TRIM37: variants seen among roughly 807,000 people sequenced by gnomAD.
TRIM37 encodes E3 ubiquitin-protein ligase TRIM37.
In TRIM37, 80 loss-of-function variants were observed where a neutral mutation model predicts 129.8. The ratio of observed to expected loss-of-function variants is 0.62; its 90% CI spans 0.51 to 0.74. The LOEUF (loss-of-function observed/expected upper bound fraction) is 0.74. TRIM37 is among the 30% of genes least tolerant of loss of function. The probability of loss-of-function intolerance (pLI) is 0.00; values close to 1 mark genes in which losing one functional copy is unlikely to be tolerated. For synonymous variants in TRIM37, 389 were observed against 387.1 expected, an observed-to-expected ratio of 1.00 and a Z score of -0.06; for missense variants, 1,054 against 1,176.5, an observed-to-expected ratio of 0.90 and a Z score of 1.52.
chr17:59,081,752 C>T (rs1599423275), intron 5 of TRIM37, among the ~76,000 whole-genome samples: 1 of 151,282 alleles, frequency 6.6e-6, no homozygotes, highest in Admixed American at 6.6e-5. Context: ...TACTAAAATA[C>T]AAAATGTAGC....
At chr17:59,042,688 G>A (rs939550795) in intron 16 of TRIM37, among the ~76,000 whole-genome samples, 7 of 149,782 alleles carry the variant, frequency 4.7e-5, no homozygotes, top group African/African-American at 1.5e-4. Context: ...GGTTGAACCC[G>A]GGAGGTGGAG....
chr17:58,977,773 C>T (rs1487293420), downstream of TRIM37, among the ~76,000 whole-genome samples: 1 of 152,062 alleles, frequency 6.6e-6, no homozygotes, highest in Non-Finnish European at 1.5e-5. Context: ...GACAGAGTCT[C>T]CCTCTGTCAT....
chr17:59,068,118 A>C (rs943275756), intron 9 of TRIM37, among the ~76,000 whole-genome samples: 4 of 152,242 alleles, frequency 2.6e-5, no homozygotes, highest in Non-Finnish European at 5.9e-5. Context: ...TAAGAATTAA[A>C]TTAAAAGCCA....
At chr17:59,090,876 T>G (rs1018890235) in intron 3 of TRIM37, among the ~76,000 whole-genome samples, 1 of 152,318 alleles carries the variant, frequency 6.6e-6, no homozygotes, top group Middle Eastern at 3.4e-3. Flanking sequence ...TCCAGCCGCC[T>G]TGGCCTCCCA....
intron 10 of TRIM37, chr17:59,064,046 G>A: frequency 9.0e-6 from 2 of 222,834 alleles, no homozygotes; most frequent in South Asian, 1.9e-4. Context: ...GAGGATTGCT[G>A]CAGCCCAGGA....
intron 9 of TRIM37, among the ~76,000 whole-genome samples, chr17:59,065,749 T>C (rs1192414186): frequency 6.6e-6 from 1 of 152,236 alleles, no homozygotes; most frequent in Non-Finnish European, 1.5e-5. Flanking sequence ...CATCATAATT[T>C]TGGTTATTAT....
Position 58,999,177 on chromosome 17 carries a change from C to G in TRIM37, c.*200G>C. On this transcript the variant is annotated 3_prime_UTR_variant, in exon 24 of 24. Transcript: ENST00000262294. ...TCCTTACATTACAAAGAACTCTTCC[C>G]ATACTGTTTTTCCCATGTACTACTG... is the stretch of plus-strand genomic sequence containing the variant. 7.0e-7 allele frequency: 1 copy of G among 1,423,078 alleles called. No individual in the cohort carries two copies. The highest frequency in any genetic ancestry group is 9.2e-7 in the Non-Finnish European group (1 of 1,092,176). The allele number at this position is 1,423,078 out of a possible 1,614,324, so 88.2% of individuals were successfully genotyped here.
chr17:59,007,449 A>G (rs2144747705), intron 22 of TRIM37, among the ~76,000 whole-genome samples: 1 of 152,260 alleles, frequency 6.6e-6, no homozygotes, highest in South Asian at 2.1e-4. Flanking sequence ...CAGGCTTTGT[A>G]TTCCTCTTAA....
chr17:59,082,856 TG>T lies in TRIM37; in HGVS notation c.369+1145del, dbSNP rs1293106064. On this transcript the variant is annotated intron_variant, in intron 5 of 23. Coordinates refer to ENST00000262294, the MANE Select transcript of TRIM37 (RefSeq NM_015294.6). ...TTTCTACTGTCTCTTACAAAACCTATGTATTTAAAGTATTAAATGTGAGAAC... is the reference window on the plus strand; with the variant it reads ...TTTCTACTGTCTCTTACAAAACCTATTATTTAAAGTATTAAATGTGAGAAC... 2.6e-5 allele frequency among the ~76,000 whole-genome samples: 4 copies of T among 152,328 alleles called. No homozygotes were observed. In the East Asian group the frequency reaches 7.7e-4, roughly 29 times the overall value.
Position 59,091,510 on chromosome 17 carries a change from CAT to C in TRIM37, c.124-172_124-171del, listed in dbSNP as rs1173461238. 1.9e-3 allele frequency among the ~76,000 whole-genome samples: 136 copies of C among 71,792 alleles called. 1 individual carries two copies. Among genetic ancestry groups the C allele is most frequent in the South Asian group, 5.6e-3 (11 of 1,954 alleles). 47.1% of individuals were successfully genotyped at this position (71,792 alleles called of 152,430 possible). On this transcript the variant is annotated intron_variant, in intron 2 of 23. Transcript: ENST00000262294. ...TATAATATATTATTATATAACATATCATATATATATAATGTATAATGTATAAT... is the reference window on the plus strand; with the variant it reads ...TATAATATATTATTATATAACATATCATATATATAATGTATAATGTATAAT...
intron 21 of TRIM37, among the ~76,000 whole-genome samples, chr17:59,013,762 A>G (rs1449045550): frequency 1.3e-5 from 2 of 152,130 alleles, no homozygotes; most frequent in Admixed American, 1.3e-4. Context: ...TCCTGGGCTC[A>G]GGCCATCTTC....
chr17:59,100,476 A>G (rs2045356279), intron 2 of TRIM37, among the ~76,000 whole-genome samples: 1 of 152,230 alleles, frequency 6.6e-6, no homozygotes, highest in Admixed American at 6.5e-5. Context: ...CCAGATCCGT[A>G]AGAGTACATA....
intron 4 of TRIM37, 127 bp downstream of exon 4, chr17:59,088,164 G>C: frequency 1.5e-6 from 1 of 682,214 alleles, no homozygotes; most frequent in Non-Finnish European, 2.6e-6. Context: ...ATGACTGAAA[G>C]AATTAAAAAC....
Position 58,999,007 on chromosome 17 carries a change from A to G in TRIM37, c.*370T>C. On this transcript the variant is annotated 3_prime_UTR_variant, in exon 24 of 24. Coordinates refer to ENST00000262294, the MANE Select transcript of TRIM37 (RefSeq NM_015294.6). The stretch of plus-strand genomic sequence containing the variant: ...ACTAAGCTCTAGCCAAAGACAGTAG[A>G]GCACCAATGCCGGGCGGGTTACTGA... 1 of 1,119,804 alleles carries G rather than the reference A, an allele frequency of 8.9e-7. No homozygotes were observed. Among genetic ancestry groups the G allele is most frequent in the South Asian group, 2.2e-5 (1 of 45,400 alleles). 69.4% of individuals were successfully genotyped at this position (1,119,804 alleles called of 1,614,324 possible).
intron 14 of TRIM37, among the ~76,000 whole-genome samples, chr17:59,049,811 C>G (rs1217231992): frequency 6.6e-6 from 1 of 152,090 alleles, no homozygotes; most frequent in Admixed American, 6.6e-5. Context: ...TTTCTTAAAC[C>G]ATTTCTCTGA....
rs2040987609 is a variant in TRIM37, at chr17:59,056,907, G to C, written c.1167C>G (p.Tyr389Ter). The change falls in exon 13 of 24, where the codon TAC becomes TAG. Residue 389 changes from tyrosine to a stop codon, truncating the protein, a stop_gained. Transcript: ENST00000262294. LOFTEE classifies it high-confidence loss of function. ...TCACTGTATCATTTTGTGGATTCAA[G>C]TATCCTTCATTTGCGAGTAAGTCCA... is the stretch of plus-strand genomic sequence containing the variant. ...FRLDLLANEG[Y>*]LNPQNDTVIL... 5 of 1,613,488 alleles carry C rather than the reference G, an allele frequency of 3.1e-6. No homozygotes were observed. Among genetic ancestry groups the C allele is most frequent in the Non-Finnish European group, 8.5e-7 (1 of 1,179,884 alleles).
chr17:58,993,519 C>T (rs753114516), downstream of TRIM37, among the ~76,000 whole-genome samples: 6 of 152,142 alleles, frequency 3.9e-5, no homozygotes, highest in African/African-American at 1.4e-4. Context: ...CTGCACTTTG[C>T]GAAGCGAGAG....
intron 17 of TRIM37, among the ~76,000 whole-genome samples, chr17:59,041,562 G>T (rs2039155677): frequency 6.6e-6 from 1 of 152,162 alleles, no homozygotes; most frequent in Non-Finnish European, 1.5e-5. Context: ...GTATCACACA[G>T]AATTTTATTA....
intron 2 of TRIM37, among the ~76,000 whole-genome samples, chr17:59,099,656 T>C (rs1006641681): frequency 1.3e-5 from 2 of 152,090 alleles, no homozygotes; most frequent in African/African-American, 4.8e-5. Flanking sequence ...AAACGCTAAC[T>C]AAAACAAGGA....
Sources: gnomAD v4.1 joint callset for allele counts (sites outside exome capture counted in the v4.1 genomes callset) on GRCh38, gnomAD v4.1.1 for gene constraint, MANE v1.5 for transcripts, NCBI Gene and HGNC (gene_info 2026-07-23, HGNC 2026-07-21) for gene names.